Variants in FUT8 observed in about 807,000 individuals in gnomAD.
FUT8 encodes fucosyltransferase 8.
In FUT8, 29 loss-of-function variants were observed where a neutral mutation model predicts 71.3. The ratio of observed to expected loss-of-function variants is 0.41; its 90% CI spans 0.30 to 0.55. The LOEUF (loss-of-function observed/expected upper bound fraction) is 0.55, where lower values mean the gene tolerates loss of function less well. Ranked by LOEUF, FUT8 falls within the 20% of genes least tolerant of loss-of-function variation. The pLI, the probability that FUT8 is intolerant of heterozygous loss-of-function variation, is 0.34. For missense variants in FUT8, 544 were observed against 702.1 expected, an observed-to-expected ratio of 0.77 and a Z score of 2.55; for synonymous variants, 254 against 239.3, an observed-to-expected ratio of 1.06 and a Z score of -0.57.
At chr14:65,572,550 A>T (rs1013424664) in intron 3 of FUT8, among the ~76,000 whole-genome samples, 1 of 151,954 alleles carries the variant, frequency 6.6e-6, no homozygotes, top group African/African-American at 2.4e-5. Flanking sequence ...TTCCACAGAA[A>T]ATGTGCAACA....
intron 2 of FUT8, among the ~76,000 whole-genome samples, chr14:65,543,602 GTTCT>G (rs1431571739): frequency 3.3e-5 from 5 of 151,974 alleles, no homozygotes; most frequent in African/African-American, 1.2e-4. Flanking sequence ...TCATTCTTTC[GTTCT>G]TTCTTGTTTT....
upstream of FUT8, chr14:65,412,714 A>AG (rs2065152113): frequency 5.7e-6 from 1 of 174,684 alleles, no homozygotes; most frequent in Non-Finnish European, 1.2e-5. Context: ...AGGAACGCCG[A>AG]GGGGCGCGCT....
chr14:65,471,162 A>G, intron 2 of FUT8: 1 of 295,736 alleles, frequency 3.4e-6, no homozygotes, highest in Non-Finnish European at 6.7e-6. Context: ...GGACTATAGA[A>G]CTTTCCCCCT....
At chr14:65,709,052 A>T (rs1169116003) in intron 7 of FUT8, among the ~76,000 whole-genome samples, 1 of 152,208 alleles carries the variant, frequency 6.6e-6, no homozygotes, top group African/African-American at 2.4e-5. Flanking sequence ...GGGTATGTTA[A>T]TTAGCTTGAT....
intron 2 of FUT8, among the ~76,000 whole-genome samples, chr14:65,530,084 C>A (rs1883835579): frequency 6.6e-6 from 1 of 151,966 alleles, no homozygotes; most frequent in Admixed American, 6.5e-5. Context: ...TTAAGGATAT[C>A]CTTTTTTTAA....
intron 6 of FUT8, among the ~76,000 whole-genome samples, chr14:65,659,422 T>G (rs1891852409): frequency 6.6e-6 from 1 of 152,128 alleles, no homozygotes; most frequent in Non-Finnish European, 1.5e-5. Flanking sequence ...CCCAGAAGAA[T>G]GGTACTTTGC....
intron 2 of FUT8, among the ~76,000 whole-genome samples, chr14:65,512,919 A>AG (rs1475636756): frequency 6.6e-6 from 1 of 151,434 alleles, no homozygotes; most frequent in Non-Finnish European, 1.5e-5. Context: ...AAAAAAAAAA[A>AG]AAAAAAGAAA....
At chr14:65,707,120 C>T (rs1894593735) in intron 7 of FUT8, among the ~76,000 whole-genome samples, 1 of 152,110 alleles carries the variant, frequency 6.6e-6, no homozygotes, top group African/African-American at 2.4e-5. Flanking sequence ...AATTTACATT[C>T]CCACCAATGG....
chr14:65,693,526 C>G (rs992360783), intron 7 of FUT8, among the ~76,000 whole-genome samples: 1 of 151,838 alleles, frequency 6.6e-6, no homozygotes, highest in African/African-American at 2.4e-5. Flanking sequence ...AGAGGGAGAC[C>G]GTGGGGAGAG....
chr14:65,393,518 C>T, the FUT8 span, among the ~76,000 whole-genome samples: 2 of 152,266 alleles, frequency 1.3e-5, no homozygotes, highest in Admixed American at 6.5e-5. Context: ...GAGTGGGCTG[C>T]ATAGGTGGAT....
intron 3 of FUT8, among the ~76,000 whole-genome samples, chr14:65,572,289 G>C (rs1703234055): frequency 2.6e-5 from 4 of 152,156 alleles, no homozygotes. Flanking sequence ...AAAAACAACA[G>C]CTGTTAATAT....
chr14:65,534,365 C>T (rs937043035), intron 2 of FUT8, among the ~76,000 whole-genome samples: 5 of 151,426 alleles, frequency 3.3e-5, no homozygotes, highest in African/African-American at 1.2e-4. Context: ...GGCTGGAGTT[C>T]TCTTTCTTTG....
chr14:65,398,487 G>C, the FUT8 span, among the ~76,000 whole-genome samples: 2 of 152,118 alleles, frequency 1.3e-5, no homozygotes, highest in Non-Finnish European at 2.9e-5. Flanking sequence ...TGTAATCCCA[G>C]CACTTTGGGA....
At chr14:65,441,804 T>C (rs542718209) in intron 1 of FUT8, among the ~76,000 whole-genome samples, 11 of 151,914 alleles carry the variant, frequency 7.2e-5, no homozygotes, top group Non-Finnish European at 2.9e-5. Context: ...TCAGATTTTT[T>C]TTTTTTAATT....
At position 65,733,324 on chromosome 14, in the gene FUT8, C is replaced by A; in HGVS notation, c.1353C>A (p.Ile451=). Residue 451 remains isoleucine, a synonymous_variant, in exon 10 of 11, where the codon ATC becomes ATA. Transcript: ENST00000673929. ...CAGAAAATTCACTTCGTGGAGTGAT[C>A]CTGGATATACATTTTCTCTCTCAGG... The part of the protein sequence containing the change: ...RYTENSLRGV[I]LDIHFLSQAD... The A allele has an allele frequency of 6.2e-7, 1 of 1,609,584 alleles. No individual in the cohort carries two copies. The highest frequency in any genetic ancestry group is 8.5e-7 in the Non-Finnish European group (1 of 1,177,302).
chr14:65,572,951 T>C (rs1265801179), intron 3 of FUT8, among the ~76,000 whole-genome samples: 2 of 152,170 alleles, frequency 1.3e-5, no homozygotes, highest in Non-Finnish European at 2.9e-5. Context: ...CAGCTTGACC[T>C]AATTGACATT....
At chr14:65,410,918 A>T (rs1297917402), upstream of FUT8, 2 of 152,172 alleles carry the variant, frequency 1.3e-5, no homozygotes, top group Non-Finnish European at 2.9e-5. Flanking sequence ...TAAAAAAAAA[A>T]AGTTACGCTT....
At chr14:65,412,047 C>G (rs764787191), upstream of FUT8, 6 of 456,636 alleles carry the variant, frequency 1.3e-5, no homozygotes, top group African/African-American at 1.0e-4. Flanking sequence ...TGTTCTCTTT[C>G]CCGTACTAAA....
At chr14:65,537,788 T>C (rs1018875422) in intron 2 of FUT8, among the ~76,000 whole-genome samples, 5 of 152,242 alleles carry the variant, frequency 3.3e-5, no homozygotes, top group African/African-American at 1.2e-4. Flanking sequence ...TTTTCTTTTA[T>C]TCTGTTTGAC....
Sources: allele counts gnomAD v4.1 joint callset (sites outside exome capture counted in the v4.1 genomes callset), GRCh38; gene constraint gnomAD v4.1.1; transcripts MANE v1.5; gene names NCBI Gene and HGNC (gene_info 2026-07-23, HGNC 2026-07-21).